Variants in SNTG2 observed in about 807,000 individuals in gnomAD.
SNTG2 encodes the protein syntrophin gamma 2.
Under a neutral mutation model 70.9 loss-of-function variants are expected in SNTG2, and 74 were observed. The observed-to-expected ratio is 1.04, with a 90% CI of 0.86 to 1.27. SNTG2 has a LOEUF of 1.27. SNTG2 is among the 50% of genes most tolerant of loss of function. The probability of loss-of-function intolerance (pLI) is 0.00; values close to 1 mark genes in which losing one functional copy is unlikely to be tolerated. For synonymous variants in SNTG2, 278 were observed against 273.8 expected (o/e 1.02, Z -0.15); for missense variants, 717 against 690.7 (o/e 1.04, Z -0.43).
At chr2:1,186,703 C>T (rs1199110533) in intron 8 of SNTG2, among the ~76,000 whole-genome samples, 2 of 152,150 alleles carry the variant, frequency 1.3e-5, no homozygotes, top group Non-Finnish European at 2.9e-5. Flanking sequence ...GTCATGAGAA[C>T]AGCAAGGGGA....
intron 4 of SNTG2, chr2:1,103,351 C>T: frequency 7.4e-6 from 2 of 268,634 alleles, no homozygotes; most frequent in Non-Finnish European, 1.5e-5. Context: ...ATTCATTAAC[C>T]TTTCAAATAA....
At chr2:1,072,354 T>G (rs1364870439) in intron 1 of SNTG2, among the ~76,000 whole-genome samples, 2 of 147,366 alleles carry the variant, frequency 1.4e-5, no homozygotes, top group African/African-American at 5.0e-5. Flanking sequence ...TTTTTCTTTT[T>G]TTTTTTTTTT....
At chr2:1,260,967 A>G (rs1417670702) in intron 13 of SNTG2, among the ~76,000 whole-genome samples, 3 of 152,328 alleles carry the variant, frequency 2.0e-5, no homozygotes, top group South Asian at 4.1e-4. Flanking sequence ...AGTAAGCTAT[A>G]GAGCCATCTC....
chr2:1,338,596 G>C (rs1451585165), intron 16 of SNTG2, among the ~76,000 whole-genome samples: 1 of 151,998 alleles, frequency 6.6e-6, no homozygotes, highest in African/African-American at 2.4e-5. Context: ...GCTTTTTCTA[G>C]GTGCCTCATA....
At chr2:1,193,925 G>A (rs1225000674) in intron 8 of SNTG2, among the ~76,000 whole-genome samples, 2 of 152,202 alleles carry the variant, frequency 1.3e-5, no homozygotes, top group African/African-American at 4.8e-5. Flanking sequence ...TCCGAGTGGA[G>A]CTTTGGCTGC....
intron 14 of SNTG2, among the ~76,000 whole-genome samples, chr2:1,292,753 T>A (rs1411396827): frequency 6.6e-6 from 1 of 152,218 alleles, no homozygotes; most frequent in Non-Finnish European, 1.5e-5. Flanking sequence ...TTTACTAGTA[T>A]TTTGTTGAGA....
chr2:1,257,904 T>C (rs982562080), intron 12 of SNTG2, among the ~76,000 whole-genome samples: 18 of 152,246 alleles, frequency 1.2e-4, no homozygotes, highest in African/African-American at 3.6e-4. Context: ...GGTGTATTTA[T>C]AGCAACAAGT....
intron 12 of SNTG2, among the ~76,000 whole-genome samples, chr2:1,251,962 CT>C (rs971140828): frequency 6.6e-5 from 10 of 152,170 alleles, no homozygotes; most frequent in African/African-American, 2.4e-4. Context: ...AGTGCTGGAT[CT>C]TTGTAAGTTT....
chr2:1,115,738 A>T (rs1464535213), intron 4 of SNTG2, among the ~76,000 whole-genome samples: 1 of 152,138 alleles, frequency 6.6e-6, no homozygotes, highest in Non-Finnish European at 1.5e-5. Context: ...TAAGCCTCAG[A>T]GTCCTTTGAG....
intron 13 of SNTG2, among the ~76,000 whole-genome samples, chr2:1,262,653 T>TCCAGACGAGGA (rs1553374864): frequency 6.2e-4 from 71 of 114,094 alleles, no homozygotes; most frequent in African/African-American, 3.1e-3. Flanking sequence ...CCAGACGTAG[T>TCCAGACGAGGA]AACCGGAAGG....
intron 16 of SNTG2, among the ~76,000 whole-genome samples, chr2:1,318,508 G>T (rs1054878951): frequency 1.3e-5 from 2 of 152,246 alleles, no homozygotes; most frequent in South Asian, 2.1e-4. Context: ...AGACACTGTG[G>T]CTCCTGGGCT....
chr2:1,308,193 A>G (rs1012083547), intron 14 of SNTG2, among the ~76,000 whole-genome samples: 2 of 152,212 alleles, frequency 1.3e-5, no homozygotes, highest in African/African-American at 4.8e-5. Context: ...AAACACGCGT[A>G]GGAGAATAGA....
At chr2:1,267,089 T>C (rs1026240637) in intron 13 of SNTG2, among the ~76,000 whole-genome samples, 2 of 152,182 alleles carry the variant, frequency 1.3e-5, no homozygotes, top group African/African-American at 2.4e-5. Flanking sequence ...CTCTTCACCG[T>C]AAAACAGGAA....
At chr2:985,079 G>A (rs1004660001) in intron 1 of SNTG2, among the ~76,000 whole-genome samples, 1 of 152,032 alleles carries the variant, frequency 6.6e-6, no homozygotes, top group Non-Finnish European at 1.5e-5. Flanking sequence ...GACAAAATCC[G>A]ATCATCAAGT....
chr2:1,011,409 G>A (rs1399062044), intron 1 of SNTG2, among the ~76,000 whole-genome samples: 1 of 152,152 alleles, frequency 6.6e-6, no homozygotes, highest in Non-Finnish European at 1.5e-5. Flanking sequence ...AAATAAATAT[G>A]ATAACACCAT....
intron 16 of SNTG2, among the ~76,000 whole-genome samples, chr2:1,363,820 T>C (rs1661328232): frequency 6.6e-6 from 1 of 152,248 alleles, no homozygotes; most frequent in South Asian, 2.1e-4. Context: ...GCCCACAGGA[T>C]GCTTGTTTAT....
At chr2:963,757 A>G (rs1294153764) in intron 1 of SNTG2, among the ~76,000 whole-genome samples, 1 of 152,180 alleles carries the variant, frequency 6.6e-6, no homozygotes, top group Non-Finnish European at 1.5e-5. Context: ...AAAATATTTC[A>G]ATTTCAAACT....
At chr2:1,054,858 A>G (rs114117255) in intron 1 of SNTG2, among the ~76,000 whole-genome samples, 1,619 of 152,374 alleles carry the variant, frequency 0.011, 38 homozygotes, top group African/African-American at 0.037. Flanking sequence ...AGGGTCTACT[A>G]TTAAGCATTT....
chr2:1,101,648 G>T (rs1315646891), intron 4 of SNTG2, among the ~76,000 whole-genome samples: 1 of 152,166 alleles, frequency 6.6e-6, no homozygotes, highest in African/African-American at 2.4e-5. Context: ...GAGCCCAGGA[G>T]AGCATACCCT....
Sources: gnomAD v4.1 joint callset for allele counts (sites outside exome capture counted in the v4.1 genomes callset) on GRCh38, gnomAD v4.1.1 for gene constraint, MANE v1.5 for transcripts, NCBI Gene and HGNC (gene_info 2026-07-23, HGNC 2026-07-21) for gene names.